CHN2: variants seen among roughly 807,000 people sequenced by gnomAD.
The protein encoded by CHN2 is beta-chimaerin.
CHN2 carries 35 observed loss-of-function variants against 56.3 expected under a neutral mutation model. The observed-to-expected ratio is 0.62, with a 90% confidence interval of 0.47 to 0.82. The LOEUF (loss-of-function observed/expected upper bound fraction) is 0.82, where lower values mean the gene tolerates loss of function less well. Among genes scored for constraint, CHN2 ranks in the 40% least tolerant of loss-of-function variants. CHN2 has a pLI of 0.00. For synonymous variants in CHN2, 210 were observed against 212.8 expected (o/e 0.99, Z 0.12); for missense variants, 491 against 580.5 (o/e 0.85, Z 1.58).
chr7:29,356,501 G>T (rs1323941610), intron 2 of CHN2, among the ~76,000 whole-genome samples: 1 of 152,210 alleles, frequency 6.6e-6, no homozygotes, highest in African/African-American at 2.4e-5. Context: ...CTCTGTGAAT[G>T]TGGGGAGGGA....
Position 29,513,790 on chromosome 7 carries a change from A to G in CHN2, c.*1055A>G, listed in dbSNP as rs1170631026. 1 of 152,642 alleles carries G rather than the reference A, an allele frequency of 6.6e-6. No individual in the cohort carries two copies. The highest frequency in any genetic ancestry group is 1.5e-5 in the Non-Finnish European group (1 of 68,038). The allele number at this position is 152,642 out of a possible 1,614,324, so 9.5% of individuals were successfully genotyped here. A position where few individuals can be genotyped will look rare whatever the true frequency, so the allele number is the denominator to read the frequency against. ...TGAGAATAAGGTTGGTTTTTACCAA[A>G]TATTTGTTCCTCCTTGACAAAAGTA... is the stretch of plus-strand genomic sequence containing the variant. On this transcript the variant is annotated 3_prime_UTR_variant, in exon 13 of 13. Coordinates refer to ENST00000222792, the MANE Select transcript of CHN2 (RefSeq NM_004067.4).
intron 7 of CHN2, among the ~76,000 whole-genome samples, chr7:29,480,723 T>C (rs1787103388): frequency 6.6e-6 from 1 of 152,240 alleles, no homozygotes; most frequent in African/African-American, 2.4e-5. Flanking sequence ...GTAAAGAATA[T>C]TGCTGTCTCC....
chr7:29,213,231 A>G (rs924377948), intron 1 of CHN2: 2 of 1,095,116 alleles, frequency 1.8e-6, no homozygotes, highest in African/African-American at 3.1e-5. Flanking sequence ...AGTGAAATTG[A>G]TATTACTCAG....
intron 6 of CHN2, among the ~76,000 whole-genome samples, chr7:29,449,680 C>G (rs1784269679): frequency 6.6e-6 from 1 of 152,180 alleles, no homozygotes; most frequent in Non-Finnish European, 1.5e-5. Flanking sequence ...CAGTGCCTGG[C>G]TTATAGTTAA....
chr7:29,461,914 AC>A (rs1785199368), intron 6 of CHN2, among the ~76,000 whole-genome samples: 1 of 152,176 alleles, frequency 6.6e-6, no homozygotes, highest in African/African-American at 2.4e-5. Context: ...AGTGTCTCAT[AC>A]ATACATATAA....
intron 2 of CHN2, chr7:29,146,990 C>T (rs1268288908): frequency 3.2e-6 from 5 of 1,550,486 alleles, no homozygotes; most frequent in Non-Finnish European, 4.4e-6. Flanking sequence ...CACTGTCCTG[C>T]CAAGCACTCT....
chr7:29,165,155 T>G (rs1795740832), intron 2 of CHN2, among the ~76,000 whole-genome samples: 1 of 152,186 alleles, frequency 6.6e-6, no homozygotes, highest in African/African-American at 2.4e-5. Context: ...AGAATAGATA[T>G]CTAAATAATA....
At chr7:29,317,052 G>A (rs959221044) in intron 1 of CHN2, among the ~76,000 whole-genome samples, 3 of 152,188 alleles carry the variant, frequency 2.0e-5, no homozygotes, top group African/African-American at 7.2e-5. Flanking sequence ...GCACAATCAT[G>A]ATAAGTAACA....
At chr7:29,166,010 A>C (rs1430890726) in intron 2 of CHN2, among the ~76,000 whole-genome samples, 2 of 151,968 alleles carry the variant, frequency 1.3e-5, no homozygotes, top group Non-Finnish European at 2.9e-5. Context: ...GGCTTCATAG[A>C]TTGAGTTGCA....
chr7:29,263,329 G>A (rs1056344448), intron 1 of CHN2, among the ~76,000 whole-genome samples: 8 of 152,224 alleles, frequency 5.3e-5, no homozygotes, highest in African/African-American at 1.4e-4. Flanking sequence ...CTCACTCAGT[G>A]CTCAATGTTG....
intron 7 of CHN2, among the ~76,000 whole-genome samples, chr7:29,485,370 C>T (rs541474891): frequency 1.3e-5 from 2 of 152,292 alleles, no homozygotes; most frequent in East Asian, 1.9e-4. Context: ...AAGGACAGGG[C>T]TCTGTGCAAC....
At chr7:29,342,657 C>T (rs536472129) in intron 1 of CHN2, among the ~76,000 whole-genome samples, 21 of 152,080 alleles carry the variant, frequency 1.4e-4, no homozygotes, top group Admixed American at 3.3e-4. Context: ...TAAATTTTCT[C>T]CTTGTCTAAG....
chr7:29,392,352 A>G (rs867217364), intron 3 of CHN2, among the ~76,000 whole-genome samples: 35 of 152,242 alleles, frequency 2.3e-4, no homozygotes, highest in African/African-American at 8.2e-4. Flanking sequence ...CACATCATTT[A>G]TAGAAAGGAT....
At chr7:29,225,500 T>G (rs766565065) in intron 1 of CHN2, among the ~76,000 whole-genome samples, 1 of 152,214 alleles carries the variant, frequency 6.6e-6, no homozygotes, top group Non-Finnish European at 1.5e-5. Context: ...GCCTTCTGAC[T>G]ATCCATTTCA....
chr7:29,397,425 A>G (rs1386087806), intron 4 of CHN2: 8 of 152,142 alleles, frequency 5.3e-5, no homozygotes, highest in African/African-American at 1.9e-4. Context: ...TCTCTGATTT[A>G]TTATCCAAAG....
At chr7:29,411,726 C>T (rs1323439643) in intron 6 of CHN2, among the ~76,000 whole-genome samples, 1 of 152,092 alleles carries the variant, frequency 6.6e-6, no homozygotes, top group Admixed American at 6.5e-5. Flanking sequence ...AGGCTTCCCG[C>T]CACCCGATAG....
At chr7:29,155,426 A>G (rs1476757526) in intron 2 of CHN2, among the ~76,000 whole-genome samples, 2 of 152,242 alleles carry the variant, frequency 1.3e-5, no homozygotes, top group African/African-American at 4.8e-5. Flanking sequence ...TGTATCACAC[A>G]TGAGGTCATT....
At chr7:29,337,053 C>T (rs1411814506) in intron 1 of CHN2, among the ~76,000 whole-genome samples, 1 of 152,094 alleles carries the variant, frequency 6.6e-6, no homozygotes, top group Non-Finnish European at 1.5e-5. Context: ...CTTGCTTCCC[C>T]TCTAGGATTG....
chr7:29,262,661 G>A (rs1363777123), intron 1 of CHN2, among the ~76,000 whole-genome samples: 1 of 152,116 alleles, frequency 6.6e-6, no homozygotes, highest in Non-Finnish European at 1.5e-5. Context: ...ATTTTAATGG[G>A]TGTAGACTTT....
Sources: allele counts gnomAD v4.1 joint callset (sites outside exome capture counted in the v4.1 genomes callset), GRCh38; gene constraint gnomAD v4.1.1; transcripts MANE v1.5; gene names NCBI Gene and HGNC (gene_info 2026-07-23, HGNC 2026-07-21).